The following RNF208 variants were observed in gnomAD, a reference collection of about 807,000 sequenced individuals.
RNF208 encodes the protein ring finger protein 208.
A neutral mutation model predicts 15.2 loss-of-function variants in RNF208; 7 were observed. The observed-to-expected ratio is 0.46, with a 90% CI of 0.26 to 0.86. RNF208 has a LOEUF of 0.86. Ranked by LOEUF, RNF208 falls within the 40% of genes least tolerant of loss-of-function variation. RNF208 has a pLI of 0.16. For missense variants in RNF208, 342 were observed against 364.1 expected, an observed-to-expected ratio of 0.94 and a Z score of 0.49; for synonymous variants, 211 against 163.2, an observed-to-expected ratio of 1.29 and a Z score of -2.23.
upstream of RNF208, among the ~76,000 whole-genome samples, chr9:137,223,129 G>A (rs925263617): frequency 5.9e-5 from 9 of 152,402 alleles, no homozygotes; most frequent in South Asian, 8.3e-4. Flanking sequence ...CAGAGGGGAC[G>A]GTGCCGCTGG....
At chr9:137,222,292 G>C (rs1242456148), upstream of RNF208, among the ~76,000 whole-genome samples, 1 of 147,662 alleles carries the variant, frequency 6.8e-6, no homozygotes, top group East Asian at 1.9e-4. Context: ...CGCGCCCGCA[G>C]CGCCACCCCC....
upstream of RNF208, among the ~76,000 whole-genome samples, chr9:137,222,902 C>T (rs1242934689): frequency 2.0e-5 from 3 of 152,222 alleles, no homozygotes; most frequent in Non-Finnish European, 2.9e-5. Context: ...CTTCCCTGCC[C>T]TCCTGGGTCC....
chr9:137,220,422 C>T lies in RNF208; in HGVS notation c.*5G>A, dbSNP rs762044008. On this transcript the variant is annotated 3_prime_UTR_variant, in exon 2 of 2. Transcript: ENST00000391553. ...CAGCGGGCAGTGGCGGGCAGGCAGG[C>T]GCTACTACATGATGGAGCAGGCGGA... 8.3e-5 allele frequency: 129 copies of T among 1,554,340 alleles called. No homozygotes were observed. The Admixed American group carries it at 1.5e-3, about 18-fold the overall frequency.
In RNF208 at chr9:137,220,969, T is replaced by C. The variant is rs1317512432; in HGVS notation, c.244A>G (p.Met82Val). 1 of 1,548,788 alleles carries C rather than the reference T, an allele frequency of 6.5e-7. No individual in the cohort carries two copies. The highest frequency in any genetic ancestry group is 1.9e-5 in the Admixed American group (1 of 52,710). ...TGGGGTGCCCCTTCCAAGGCAGGCATGTCCCCCCCACAGGCCTGGTTGACA... is the reference window on the plus strand; with the variant it reads ...TGGGGTGCCCCTTCCAAGGCAGGCACGTCCCCCCCACAGGCCTGGTTGACA... Reference protein sequence around the residue: ...IIVNQACGGDMPALEGAPHTP... With the variant: ...IIVNQACGGDVPALEGAPHTP... The change falls in exon 2 of 2, where the codon ATG becomes GTG. Residue 82 changes from methionine to valine, a missense_variant. By Grantham distance (21) the Met-to-Val change is conservative. Around this residue, in one of 3 missense-constraint regions of RNF208, gnomAD observed 207 missense variants for 193.7 expected, o/e 1.07. Transcript: ENST00000391553.
At chr9:137,223,136 C>T (rs912759243), upstream of RNF208, among the ~76,000 whole-genome samples, 3 of 152,278 alleles carry the variant, frequency 2.0e-5, no homozygotes, top group African/African-American at 7.2e-5. Flanking sequence ...GACGGTGCCG[C>T]TGGTGCGGGA....
chr9:137,222,020 G>A lies in RNF208; in HGVS notation c.-558C>T, dbSNP rs1400190056. On this transcript the variant is annotated 5_prime_UTR_variant, in exon 1 of 2. Coordinates refer to ENST00000391553, the MANE Select transcript of RNF208 (RefSeq NM_031297.7). Reference sequence around the variant, plus strand: ...CAGCCTGGCGTCCCGGCCGCGCGCCGCCGCCGCAGAGGTTGTCTCAAAGGC... The same window carrying A: ...CAGCCTGGCGTCCCGGCCGCGCGCCACCGCCGCAGAGGTTGTCTCAAAGGC... Among the ~76,000 whole-genome samples the A allele has an allele frequency of 6.6e-6, 1 of 151,082 alleles. No individual in the cohort carries two copies. Among genetic ancestry groups the A allele is most frequent in the Non-Finnish European group, 1.5e-5 (1 of 67,650 alleles).
Position 137,220,841 on chromosome 9 carries a change from C to A in RNF208, c.372G>T (p.Arg124=). The change falls in exon 2 of 2, where the codon CGG becomes CGT. Residue 124 remains arginine (R), a synonymous_variant. Coordinates refer to ENST00000391553, the MANE Select transcript of RNF208 (RefSeq NM_031297.7). The part of the protein sequence containing the change: ...DEVIVNQYVI[R]PGPSASAASS... ...AAGCCGCCGAGGCCGAGGGGCCAGG[C>A]CGAATCACGTACTGATTCACAATGA... The A allele has an allele frequency of 6.2e-7, 1 of 1,605,962 alleles. No homozygotes were observed. Among genetic ancestry groups the A allele is most frequent in the Non-Finnish European group, 8.5e-7 (1 of 1,176,304 alleles).
Position 137,222,186 on chromosome 9 carries a change from C to T in RNF208, c.-724G>A, listed in dbSNP as rs1835881178. ...GGGCGCGGGCGTGGGGCGCGGGGCG[C>T]GGGTTTCGGCACGGCGGCGACGGCG... On this transcript the variant is annotated 5_prime_UTR_variant, in exon 1 of 2. Coordinates refer to ENST00000391553, the MANE Select transcript of RNF208 (RefSeq NM_031297.7). 6.8e-6 allele frequency among the ~76,000 whole-genome samples: 1 copy of T among 145,998 alleles called. No individual in the cohort carries two copies. The highest frequency in any genetic ancestry group is 1.5e-5 in the Non-Finnish European group (1 of 65,754).
chr9:137,220,589 C>T lies in RNF208; in HGVS notation c.624G>A (p.Thr208=), dbSNP rs139163961. ...DYGLAALAVN[T]SILSRLPPEA... is the part of the protein sequence containing the mutation. The stretch of plus-strand genomic sequence containing the variant: ...CAGGCGGCAGGCGGCTCAGGATGGA[C>T]GTGTTGACAGCCAGCGCGGCCAGGC... The change falls in exon 2 of 2, where the codon ACG becomes ACA. Residue 208 remains threonine, a synonymous_variant. Coordinates refer to ENST00000391553, the MANE Select transcript of RNF208 (RefSeq NM_031297.7). 28 of 1,611,780 alleles carry T rather than the reference C, an allele frequency of 1.7e-5. No homozygotes were observed. Among genetic ancestry groups the T allele is most frequent in the Admixed American group, 1.5e-4 (9 of 59,902 alleles).
Position 137,220,536 on chromosome 9 carries a change from T to C in RNF208, c.677A>G (p.Gln226Arg). Residue 226 changes from glutamine to arginine, a missense_variant, in exon 2 of 2, where the codon CAG becomes CGG. By Grantham distance (43) the Gln-to-Arg change is conservative. Coordinates refer to ENST00000391553, the MANE Select transcript of RNF208 (RefSeq NM_031297.7). The stretch of plus-strand genomic sequence containing the variant: ...GCTGCCCTCGGGCTCAGCCCCCCAC[T>C]GACCCCCGGATGGGGCCGTCAGCGC... ...PEALTAPSGG[Q>R]WGAEPEGSCY... is the part of the protein sequence containing the mutation. 6.2e-7 allele frequency: 1 copy of C among 1,606,486 alleles called. No individual in the cohort carries two copies.
upstream of RNF208, among the ~76,000 whole-genome samples, chr9:137,222,465 C>T (rs1835886703): frequency 6.6e-6 from 1 of 151,962 alleles, no homozygotes; most frequent in Admixed American, 6.6e-5. Context: ...CAAGCCCCCG[C>T]CCCCCCAGAT....
Position 137,220,839 on chromosome 9 carries a change from G to C in RNF208, c.374C>G (p.Pro125Arg). ...AGAAGCCGCCGAGGCCGAGGGGCCA[G>C]GCCGAATCACGTACTGATTCACAAT... ...EVIVNQYVIRPGPSASAASSA... is the reference protein window; with the variant it reads ...EVIVNQYVIRRGPSASAASSA... The change falls in exon 2 of 2, where the codon CCT becomes CGT. Residue 125 changes from proline to arginine, a missense_variant. Around this residue, in one of 3 missense-constraint regions of RNF208, gnomAD observed 207 missense variants for 193.7 expected, o/e 1.07. Transcript: ENST00000391553. The C allele has an allele frequency of 6.2e-7, 1 of 1,606,622 alleles. No homozygotes were observed. The highest frequency in any genetic ancestry group is 8.5e-7 in the Non-Finnish European group (1 of 1,176,620).
In RNF208 at chr9:137,220,881, G is replaced by A; in HGVS notation, c.332C>T (p.Ala111Val). ...GSSELGFPRV[A>V]PEDEVIVNQY... ...ATTCACAATGACCTCATCCTCTGGG[G>A]CCACGCGGGGAAAGCCCAGCTCCGA... Residue 111 changes from alanine to valine, a missense_variant, in exon 2 of 2, where the codon GCC (alanine) becomes GTC (valine). By Grantham distance (64) the Ala-to-Val change is moderately conservative (BLOSUM62 0). Coordinates refer to ENST00000391553, the MANE Select transcript of RNF208 (RefSeq NM_031297.7). 1.3e-6 allele frequency: 2 copies of A among 1,582,642 alleles called. No homozygotes were observed. The highest frequency in any genetic ancestry group is 1.1e-5 in the South Asian group (1 of 87,898).
chr9:137,222,784 C>T (rs1329595186), upstream of RNF208, among the ~76,000 whole-genome samples: 4 of 152,268 alleles, frequency 2.6e-5, no homozygotes, highest in Non-Finnish European at 5.9e-5. Flanking sequence ...GACAGGCTGG[C>T]AGCCCAGTGC....
At position 137,221,197 on chromosome 9, in the gene RNF208, C is replaced by G; in HGVS notation, c.16G>C (p.Gly6Arg). The change falls in exon 2 of 2, where the codon GGG becomes CGG. Residue 6 changes from glycine to arginine, a missense_variant. By Grantham distance (125) the Gly-to-Arg change is moderately radical. Coordinates refer to ENST00000391553, the MANE Select transcript of RNF208 (RefSeq NM_031297.7). MPSDP[G>R]PEAGSGWPGL... ...GGCCAGCCACTGCCCGCCTCGGGCC[C>G]GGGGTCAGAGGGCATCCGGCTGTCT... The G allele has an allele frequency of 5.1e-6, 6 of 1,187,318 alleles. No individual in the cohort carries two copies. Among genetic ancestry groups the G allele is most frequent in the East Asian group, 5.9e-5 (1 of 16,904 alleles). The allele number at this position is 1,187,318 out of a possible 1,614,324, so 73.5% of individuals were successfully genotyped here. A position where few individuals can be genotyped will look rare whatever the true frequency, so the allele number is the denominator to read the frequency against.
In RNF208 at chr9:137,220,322, A is replaced by G; in HGVS notation, c.*105T>C. On this transcript the variant is annotated 3_prime_UTR_variant, in exon 2 of 2. Transcript: ENST00000391553. ...ACAATGCCACTCGGGGTGGGGCCGGAAGCCATGGTGGGGAAGGAAGGGTCA... is the reference window on the plus strand; with the variant it reads ...ACAATGCCACTCGGGGTGGGGCCGGGAGCCATGGTGGGGAAGGAAGGGTCA... The G allele has an allele frequency of 7.9e-7, 1 of 1,266,704 alleles. No homozygotes were observed. The allele number at this position is 1,266,704 out of a possible 1,614,324, so 78.5% of individuals were successfully genotyped here.
At chr9:137,221,835 C>T (rs914508184) in intron 1 of RNF208, among the ~76,000 whole-genome samples, 97 bp from the exon 2 acceptor site, 6 of 152,066 alleles carry the variant, frequency 3.9e-5, no homozygotes, top group African/African-American at 7.2e-5. Flanking sequence ...CTGACCCTGA[C>T]CTCAGCCGTG....
At chr9:137,223,261 G>A (rs1428653728), upstream of RNF208, among the ~76,000 whole-genome samples, 3 of 152,260 alleles carry the variant, frequency 2.0e-5, no homozygotes, top group African/African-American at 7.2e-5. Context: ...GAGGTGTGCG[G>A]GTGACAGGGG....
At chr9:137,222,750 C>T (rs961974890), upstream of RNF208, among the ~76,000 whole-genome samples, 3 of 152,364 alleles carry the variant, frequency 2.0e-5, no homozygotes, top group Middle Eastern at 3.4e-3. Flanking sequence ...GGTGGACGGA[C>T]GGGTCCGGTG....
Sources: allele counts gnomAD v4.1 joint callset (sites outside exome capture counted in the v4.1 genomes callset), GRCh38; gene constraint gnomAD v4.1.1; regional missense constraint gnomAD v4.1.1; transcripts MANE v1.5; gene names NCBI Gene and HGNC (gene_info 2026-07-23, HGNC 2026-07-21).